ARG2: variants seen among roughly 807,000 people sequenced by gnomAD.
ARG2 encodes the protein arginase 2.
ARG2 carries 21 observed loss-of-function variants against 39.4 expected under a neutral mutation model. The observed-to-expected ratio is 0.53, with a 90% CI of 0.38 to 0.77. The LOEUF (loss-of-function observed/expected upper bound fraction) is 0.77, where lower values mean the gene tolerates loss of function less well. Ranked by LOEUF, ARG2 falls within the 30% of genes least tolerant of loss-of-function variation. ARG2 has a pLI of 0.00. For missense variants in ARG2, 378 were observed against 426.2 expected (o/e 0.89, Z 1.00); for synonymous variants, 150 against 156.7 (o/e 0.96, Z 0.32).
At chr14:67,620,114 G>C in intron 1 of ARG2, 26 bp downstream of exon 1, 11 of 1,524,790 alleles carry the variant, frequency 7.2e-6, no homozygotes, top group Non-Finnish European at 9.8e-6. Context: ...TGGAACCGCC[G>C]GGCAGGATCC....
At chr14:67,648,584 G>C (rs937516302) in intron 7 of ARG2, 2 of 156,796 alleles carry the variant, frequency 1.3e-5, no homozygotes, top group Admixed American at 1.3e-4. Context: ...AGCTAAAGCT[G>C]ATCTCTTGAA....
chr14:67,642,793 CTTTTTT>C (rs869215946), intron 3 of ARG2, among the ~76,000 whole-genome samples: 7,522 of 75,348 alleles, frequency 0.1, 111 homozygotes, highest in Middle Eastern at 0.23. Flanking sequence ...ACTACATTTT[CTTTTTT>C]TTTTTTTTTT....
Position 67,626,268 on chromosome 14 carries a change from A to C in ARG2, c.184+5302A>C, listed in dbSNP as rs556022961. Among the ~76,000 whole-genome samples, 72 of 152,108 alleles carry C rather than the reference A, an allele frequency of 4.7e-4. 1 individual carries two copies. Among genetic ancestry groups the C allele is most frequent in the South Asian group, 2.5e-3 (12 of 4,814 alleles). On this transcript the variant is annotated intron_variant, in intron 2 of 7. Coordinates refer to ENST00000261783, the MANE Select transcript of ARG2 (RefSeq NM_001172.4). ...GACTCTGTCTCAGGGGAAAAAAAAA[A>C]CCACAAAACTACAATGAAATACCAT...
rs185512685 is a variant in ARG2, at chr14:67,627,093, C to T, written c.184+6127C>T. ...CTGCTAAAGGGCATGGGTTTCTTTC[C>T]GAAGGGTGATGGGACTGTTGTAGAA... is the stretch of plus-strand genomic sequence containing the variant. On this transcript the variant is annotated intron_variant, in intron 2 of 7. Coordinates refer to ENST00000261783, the MANE Select transcript of ARG2 (RefSeq NM_001172.4). 5.3e-5 allele frequency among the ~76,000 whole-genome samples: 8 copies of T among 152,072 alleles called. No homozygotes were observed. In the South Asian group the frequency reaches 6.2e-4, roughly 12 times the overall value.
Position 67,625,680 on chromosome 14 carries a change from C to CAA in ARG2, c.184+4733_184+4734dup, listed in dbSNP as rs1176476000. On this transcript the variant is annotated intron_variant, in intron 2 of 7. Coordinates refer to ENST00000261783, the MANE Select transcript of ARG2 (RefSeq NM_001172.4). ...GGGCAACGAGAGCAAAACTCCATCT[C>CAA]AAAAAAAAAAAAAAAAAAAAGAAAC... Among the ~76,000 whole-genome samples, 156 of 32,002 alleles carry CAA rather than the reference C, an allele frequency of 4.9e-3. 4 individuals carry two copies. Among genetic ancestry groups the CAA allele is most frequent in the African/African-American group, 0.011 (106 of 9,558 alleles). The allele number at this position is 32,002 out of a possible 152,430, so 21.0% of individuals were successfully genotyped here.
At chr14:67,644,263 A>G (rs900333246) in intron 3 of ARG2, among the ~76,000 whole-genome samples, 3 of 152,206 alleles carry the variant, frequency 2.0e-5, no homozygotes, top group Non-Finnish European at 4.4e-5. Context: ...AGTTTAACAT[A>G]TATTACTACT....
intron 2 of ARG2, among the ~76,000 whole-genome samples, chr14:67,629,576 T>G (rs2036898423): frequency 6.6e-6 from 1 of 152,138 alleles, no homozygotes. Flanking sequence ...CAGAGTTTGT[T>G]TTGCAAGATG....
rs1012702121 is a variant in ARG2, at chr14:67,645,615, C to G, written c.363-28C>G. The G allele has an allele frequency of 3.1e-6, 5 of 1,602,624 alleles. No homozygotes were observed. In the Admixed American group the frequency reaches 8.5e-5, roughly 27 times the overall value. On this transcript the variant is annotated intron_variant, in intron 3 of 7. Transcript: ENST00000261783. ...TCGGTCATGTTTGCCAAGCAGAGGG[C>G]CTTCAAGATTATACTTGTTCTTTGC...
chr14:67,631,440 T>G (rs1279765606), intron 2 of ARG2, among the ~76,000 whole-genome samples: 1 of 147,252 alleles, frequency 6.8e-6, no homozygotes. Flanking sequence ...CTTTCTTTTT[T>G]TTTTTTTTTT....
chr14:67,644,623 C>G (rs1233816668), intron 3 of ARG2, among the ~76,000 whole-genome samples: 1 of 152,144 alleles, frequency 6.6e-6, no homozygotes, highest in African/African-American at 2.4e-5. Context: ...CAGGTGTATT[C>G]TTAGAATTGA....
Position 67,646,920 on chromosome 14 carries a change from GTTTTA to G in ARG2, c.623_627del (p.Ile208LysfsTer4), listed in dbSNP as rs2037106208. 1.3e-6 allele frequency: 2 copies of G among 1,579,292 alleles called. No individual in the cohort carries two copies. On this transcript the variant is annotated frameshift_variant and splice_region_variant, in exon 6 of 8. Coordinates refer to ENST00000261783, the MANE Select transcript of ARG2 (RefSeq NM_001172.4). LOFTEE classifies it high-confidence loss of function. Reference sequence around the variant, plus strand: ...ACTCCTCCCTTTATATCTCATCACAGTTTTATTTTAAAGAACTATGATATCCAGTA... The same window carrying G: ...ACTCCTCCCTTTATATCTCATCACAGTTTTAAAGAACTATGATATCCAGTA...
At chr14:67,632,756 A>G (rs4902503) in intron 2 of ARG2, among the ~76,000 whole-genome samples, 64,772 of 149,168 alleles carry the variant, frequency 0.43, 18,167 homozygotes, top group African/African-American at 0.8. Flanking sequence ...AAATAGAAGG[A>G]AGGAAGGGAG....
intron 2 of ARG2, among the ~76,000 whole-genome samples, chr14:67,632,603 G>T (rs1188062930): frequency 6.6e-6 from 1 of 152,024 alleles, no homozygotes; most frequent in African/African-American, 2.4e-5. Flanking sequence ...AGAGGTTGAG[G>T]CACTATCTCC....
At chr14:67,643,526 T>A (rs1021099337) in intron 3 of ARG2, among the ~76,000 whole-genome samples, 1 of 152,152 alleles carries the variant, frequency 6.6e-6, no homozygotes, top group South Asian at 2.1e-4. Context: ...GGGACAGATA[T>A]ATAAGAACTT....
chr14:67,629,536 A>G (rs1286030583), intron 2 of ARG2, among the ~76,000 whole-genome samples: 1 of 152,176 alleles, frequency 6.6e-6, no homozygotes, highest in Non-Finnish European at 1.5e-5. Context: ...GGGAGAAGGA[A>G]ATGGGGAGTT....
Position 67,648,187 on chromosome 14 carries a change from T to G in ARG2, c.859+4T>G, listed in dbSNP as rs374223197. The G allele has an allele frequency of 2.5e-6, 4 of 1,611,414 alleles. No individual in the cohort carries two copies. Among genetic ancestry groups the G allele is most frequent in the Non-Finnish European group, 3.4e-6 (4 of 1,178,390 alleles). On this transcript the variant is annotated splice_donor_region_variant and intron_variant, in intron 7 of 7. Transcript: ENST00000261783. ...GCTGAGGAAATACACAATACAGGTATGTAGCAACCAGGTCTGCAGCCTGTT... is the reference window on the plus strand; with the variant it reads ...GCTGAGGAAATACACAATACAGGTAGGTAGCAACCAGGTCTGCAGCCTGTT...
intron 2 of ARG2, among the ~76,000 whole-genome samples, chr14:67,634,051 G>A (rs1409746851): frequency 6.6e-6 from 1 of 152,070 alleles, no homozygotes; most frequent in Non-Finnish European, 1.5e-5. Context: ...CCTTATTTCT[G>A]CATTCCTAGG....
At chr14:67,644,459 A>G (rs1196479989) in intron 3 of ARG2, among the ~76,000 whole-genome samples, 1 of 152,184 alleles carries the variant, frequency 6.6e-6, no homozygotes, top group Non-Finnish European at 1.5e-5. Flanking sequence ...CTATTCCTCA[A>G]AAGACCCAAC....
In ARG2 at chr14:67,650,783, A is replaced by C; in HGVS notation, c.928A>C (p.Thr310Pro). 6.2e-7 allele frequency: 1 copy of C among 1,614,192 alleles called. No individual in the cohort carries two copies. Among genetic ancestry groups the C allele is most frequent in the Non-Finnish European group, 8.5e-7 (1 of 1,180,020 alleles). ...GGCCACCTCAGAGGAAGAGGCGAAG[A>C]CTACAGCTAACCTGGCAGTAGATGT... The part of the protein sequence containing the change: ...QLATSEEEAK[T>P]TANLAVDVIA... The change falls in exon 8 of 8, where the codon ACT (threonine) becomes CCT (proline). Residue 310 changes from threonine to proline, a missense_variant. Transcript: ENST00000261783.
Sources: gnomAD v4.1 joint callset for allele counts (sites outside exome capture counted in the v4.1 genomes callset) on GRCh38, gnomAD v4.1.1 for gene constraint, MANE v1.5 for transcripts, NCBI Gene and HGNC (gene_info 2026-07-23, HGNC 2026-07-21) for gene names.